AKAP13: variants seen among roughly 807,000 people sequenced by gnomAD.
The protein encoded by AKAP13 is A-kinase anchor protein 13.
Under a neutral mutation model 264.5 loss-of-function variants are expected in AKAP13, and 80 were observed. That is an observed-to-expected ratio of 0.30 (90% CI 0.25 to 0.36). The LOEUF (loss-of-function observed/expected upper bound fraction) is 0.36. Among genes scored for constraint, AKAP13 ranks in the 10% least tolerant of loss-of-function variants. The probability of loss-of-function intolerance (pLI) is 1.00; values close to 1 mark genes in which losing one functional copy is unlikely to be tolerated. For missense variants in AKAP13, 3,712 were observed against 3,435.2 expected (o/e 1.08, Z -2.01); for synonymous variants, 1,380 against 1,250.2 (o/e 1.10, Z -2.19).
At chr15:85,623,234 A>G (rs992073614) in intron 8 of AKAP13, among the ~76,000 whole-genome samples, 1 of 152,210 alleles carries the variant, frequency 6.6e-6, no homozygotes, top group South Asian at 2.1e-4. Context: ...TCTGTTCATT[A>G]ATATTATCTA....
intron 1 of AKAP13, among the ~76,000 whole-genome samples, chr15:85,385,537 G>A (rs142672347): frequency 2.0e-5 from 3 of 152,044 alleles, no homozygotes; most frequent in African/African-American, 4.8e-5. Context: ...GTACTCAACC[G>A]GTTCTCTACC....
intron 1 of AKAP13, among the ~76,000 whole-genome samples, chr15:85,457,830 G>A (rs548756936): frequency 6.6e-6 from 1 of 152,204 alleles, no homozygotes; most frequent in South Asian, 2.1e-4. Context: ...TCTTCCAGGG[G>A]TGAGGCACTG....
At chr15:85,422,312 T>C (rs2072561324) in intron 1 of AKAP13, among the ~76,000 whole-genome samples, 1 of 151,928 alleles carries the variant, frequency 6.6e-6, no homozygotes, top group African/African-American at 2.4e-5. Flanking sequence ...GTTGAGAGAA[T>C]TAGGGGATTG....
intron 13 of AKAP13, among the ~76,000 whole-genome samples, chr15:85,667,223 C>G (rs2151556300): frequency 6.6e-6 from 1 of 152,252 alleles, no homozygotes. Flanking sequence ...AAACTTGACA[C>G]TGAAGGATTA....
chr15:85,390,393 G>A (rs538792555), intron 1 of AKAP13, among the ~76,000 whole-genome samples: 3 of 152,268 alleles, frequency 2.0e-5, no homozygotes, highest in African/African-American at 7.2e-5. Flanking sequence ...TTCAGAGGAA[G>A]TATGGAAGGA....
intron 1 of AKAP13, among the ~76,000 whole-genome samples, chr15:85,393,681 C>A (rs1346811262): frequency 6.6e-6 from 1 of 152,146 alleles, no homozygotes; most frequent in Non-Finnish European, 1.5e-5. Flanking sequence ...ATTCTTTCTC[C>A]CTTTTTTGAT....
At chr15:85,711,126 C>T (rs572133880) in intron 19 of AKAP13, among the ~76,000 whole-genome samples, 40 of 152,272 alleles carry the variant, frequency 2.6e-4, no homozygotes, top group African/African-American at 9.1e-4. Flanking sequence ...AGCGATTCTC[C>T]TGCCTCAGCC....
intron 10 of AKAP13, among the ~76,000 whole-genome samples, chr15:85,650,083 G>C (rs1374642432): frequency 6.6e-6 from 1 of 151,994 alleles, no homozygotes; most frequent in Non-Finnish European, 1.5e-5. Flanking sequence ...TCAGGTCCTT[G>C]ATCCCCAAGC....
chr15:85,462,775 A>G (rs935632315), intron 1 of AKAP13, among the ~76,000 whole-genome samples: 1 of 152,134 alleles, frequency 6.6e-6, no homozygotes, highest in Non-Finnish European at 1.5e-5. Flanking sequence ...CTGTAATCCC[A>G]GCACTTTGGG....
At chr15:85,588,355 T>C (rs1218509529) in intron 8 of AKAP13, among the ~76,000 whole-genome samples, 1 of 152,248 alleles carries the variant, frequency 6.6e-6, no homozygotes, top group Non-Finnish European at 1.5e-5. Flanking sequence ...ATGTTGCTTT[T>C]ACCCCTGTGA....
intron 12 of AKAP13, among the ~76,000 whole-genome samples, chr15:85,661,956 T>G (rs536947317): frequency 6.6e-6 from 1 of 151,008 alleles, no homozygotes; most frequent in South Asian, 2.1e-4. Flanking sequence ...GCACAGTTTG[T>G]CACTGTCTCT....
At chr15:85,743,354 A>T in intron 35 of AKAP13, 138 bp from the exon 36 acceptor site, 1 of 817,060 alleles carries the variant, frequency 1.2e-6, no homozygotes. Flanking sequence ...CAGTCCACAG[A>T]CGTGAGCTCT....
intron 5 of AKAP13, among the ~76,000 whole-genome samples, chr15:85,553,835 G>A (rs1382225658): frequency 6.6e-6 from 1 of 152,148 alleles, no homozygotes; most frequent in South Asian, 2.1e-4. Context: ...ATTCTCATAG[G>A]AGTGGAAACC....
intron 17 of AKAP13, among the ~76,000 whole-genome samples, chr15:85,697,899 G>A (rs777741835): frequency 5.1e-4 from 77 of 152,242 alleles, no homozygotes; most frequent in Non-Finnish European, 7.8e-4. Context: ...GATCTTATAT[G>A]AAGTCAATCA....
At chr15:85,587,859 G>C (rs1380465764) in intron 8 of AKAP13, among the ~76,000 whole-genome samples, 1 of 152,092 alleles carries the variant, frequency 6.6e-6, no homozygotes, top group Non-Finnish European at 1.5e-5. Context: ...TATTGGCCAG[G>C]CTGGTCTCAA....
In AKAP13 at chr15:85,740,983, G is replaced by A. The variant is rs1025249841; in HGVS notation, c.7609-63G>A. On this transcript the variant is annotated intron_variant, in intron 34 of 36. Transcript: ENST00000394518. ...GTGCCCCCTGCTGTGGGGTCGGGAG[G>A]GATCCAGAAGCTCGCTGTCGTCCTG... The A allele has an allele frequency of 2.6e-6, 4 of 1,543,026 alleles. No individual in the cohort carries two copies. In the African/African-American group the frequency reaches 5.5e-5, roughly 21 times the overall value.
At chr15:85,517,734 A>G (rs1446039441) in intron 2 of AKAP13, among the ~76,000 whole-genome samples, 5 of 151,960 alleles carry the variant, frequency 3.3e-5, no homozygotes, top group Admixed American at 2.6e-4. Flanking sequence ...GTTTATTTAT[A>G]TGGGGGTGGG....
chr15:85,690,781 A>G (rs2085238901), intron 16 of AKAP13, among the ~76,000 whole-genome samples: 1 of 152,234 alleles, frequency 6.6e-6, no homozygotes, highest in Admixed American at 6.5e-5. Context: ...AGCATAGTGC[A>G]GTGTATGAGA....
chr15:85,637,464 A>C (rs879419442), intron 8 of AKAP13, among the ~76,000 whole-genome samples: 1 of 152,128 alleles, frequency 6.6e-6, no homozygotes, highest in Admixed American at 6.5e-5. Context: ...TTCAATATCT[A>C]TAGGATCTGT....
Sources: gnomAD v4.1 joint callset for allele counts (sites outside exome capture counted in the v4.1 genomes callset) on GRCh38, gnomAD v4.1.1 for gene constraint, MANE v1.5 for transcripts, NCBI Gene and HGNC (gene_info 2026-07-23, HGNC 2026-07-21) for gene names.